The following GRK5 variants were observed in gnomAD, a reference collection of about 807,000 sequenced individuals.
GRK5 encodes the protein g protein-coupled receptor kinase GRK5.
GRK5 carries 40 observed loss-of-function variants against 78.4 expected under a neutral mutation model. The observed-to-expected ratio is 0.51, with a 90% CI of 0.40 to 0.66. The LOEUF (loss-of-function observed/expected upper bound fraction) is 0.66, where lower values mean the gene tolerates loss of function less well. GRK5 is among the 30% of genes least tolerant of loss of function. GRK5 has a pLI of 0.00. For missense variants in GRK5, 598 were observed against 759.9 expected, an observed-to-expected ratio of 0.79 and a Z score of 2.50; for synonymous variants, 289 against 296.8, an observed-to-expected ratio of 0.97 and a Z score of 0.27.
At chr10:119,323,520 CAGA>C (rs1850621788) in intron 1 of GRK5, among the ~76,000 whole-genome samples, 1 of 152,096 alleles carries the variant, frequency 6.6e-6, no homozygotes, top group East Asian at 1.9e-4. Flanking sequence ...TGGGCGTGCA[CAGA>C]AGAACCTCTA....
chr10:119,358,124 G>A (rs1223896589), intron 2 of GRK5, among the ~76,000 whole-genome samples: 3 of 152,188 alleles, frequency 2.0e-5, no homozygotes, highest in African/African-American at 7.2e-5. Context: ...AGTGGGGAGG[G>A]AGAAAGGGGC....
In GRK5 at chr10:119,336,309, C is replaced by T. The variant is rs1322205565; in HGVS notation, c.148+9698C>T. 1 of 152,246 alleles carries T rather than the reference C, an allele frequency of 6.6e-6. No homozygotes were observed. Among genetic ancestry groups the T allele is most frequent in the Admixed American group, 6.5e-5 (1 of 15,288 alleles). 9.4% of individuals were successfully genotyped at this position (152,246 alleles called of 1,614,324 possible). ...TGGAAGCATCACACTCTGCCCAGGC[C>T]CCTGCTCTGGCCCAGTGTGTTTCCT... On this transcript the variant is annotated intron_variant, in intron 2 of 15. Coordinates refer to ENST00000392870, the MANE Select transcript of GRK5 (RefSeq NM_005308.3). The surrounding 1 kb of genome is among the most constrained non-coding windows in gnomAD (Gnocchi z 4.5).
intron 1 of GRK5, among the ~76,000 whole-genome samples, chr10:119,276,786 A>G (rs562932109): frequency 1.9e-4 from 29 of 152,290 alleles, no homozygotes; most frequent in Non-Finnish European, 3.1e-4. Context: ...AAGAAGTTGG[A>G]ATTCAACTGT....
At chr10:119,339,710 T>C (rs934443368) in intron 2 of GRK5, among the ~76,000 whole-genome samples, 1 of 152,092 alleles carries the variant, frequency 6.6e-6, no homozygotes, top group African/African-American at 2.4e-5. Flanking sequence ...CTGGGCAACA[T>C]GGCGAAACCT....
chr10:119,414,706 A>C (rs1852412105), intron 4 of GRK5, among the ~76,000 whole-genome samples: 1 of 152,210 alleles, frequency 6.6e-6, no homozygotes, highest in Non-Finnish European at 1.5e-5. Context: ...TAAGAATAAT[A>C]AAACCTATCT....
At chr10:119,290,232 G>A (rs934474303) in intron 1 of GRK5, among the ~76,000 whole-genome samples, 7 of 151,456 alleles carry the variant, frequency 4.6e-5, no homozygotes, top group South Asian at 2.1e-4. Context: ...CTGTAGTCCC[G>A]GTGACTCGAG....
chr10:119,299,168 C>T (rs1289482907), intron 1 of GRK5, among the ~76,000 whole-genome samples: 1 of 152,176 alleles, frequency 6.6e-6, no homozygotes, highest in Non-Finnish European at 1.5e-5. Context: ...TTCGGCCAGG[C>T]GCAGTGGCTC....
chr10:119,227,785 T>C (rs1467054645), intron 1 of GRK5, among the ~76,000 whole-genome samples: 1 of 152,206 alleles, frequency 6.6e-6, no homozygotes, highest in Non-Finnish European at 1.5e-5. Flanking sequence ...ATTTAAAACA[T>C]TGATAAAGGC....
chr10:119,213,250 T>C (rs7092995), intron 1 of GRK5: 90,820 of 152,176 alleles, frequency 0.6, 27,855 homozygotes, highest in African/African-American at 0.74. Flanking sequence ...GTGGCTCATG[T>C]CTGTAATCCC....
rs371689171 is a variant in GRK5, at chr10:119,263,726, G to A, written c.52+55757G>A. The stretch of plus-strand genomic sequence containing the variant: ...ATCACGATGTCAGAAGATCGAGACC[G>A]TACTGGCTAACATGGTGAAACCCCA... On this transcript the variant is annotated intron_variant, in intron 1 of 15. Transcript: ENST00000392870. 4.6e-5 allele frequency among the ~76,000 whole-genome samples: 7 copies of A among 152,104 alleles called. No individual in the cohort carries two copies. The East Asian group carries it at 9.7e-4, about 21-fold the overall frequency.
At chr10:119,231,531 C>A (rs1158643345) in intron 1 of GRK5, among the ~76,000 whole-genome samples, 1 of 151,440 alleles carries the variant, frequency 6.6e-6, no homozygotes, top group Non-Finnish European at 1.5e-5. Context: ...CATGGTGAAA[C>A]CTTGTCTCTA....
At chr10:119,453,946 G>T (rs745808473) in intron 15 of GRK5, among the ~76,000 whole-genome samples, 5 of 151,918 alleles carry the variant, frequency 3.3e-5, no homozygotes, top group East Asian at 3.9e-4. Context: ...GCGGGGGAAG[G>T]GCCCCCACCT....
At chr10:119,393,090 G>A (rs555797196) in intron 3 of GRK5, among the ~76,000 whole-genome samples, 3 of 152,330 alleles carry the variant, frequency 2.0e-5, no homozygotes, top group South Asian at 4.1e-4. Context: ...TCTGTAGGTG[G>A]CCTCTCAGGA....
intron 2 of GRK5, among the ~76,000 whole-genome samples, chr10:119,366,217 G>A (rs185174915): frequency 6.6e-6 from 1 of 152,304 alleles, no homozygotes; most frequent in African/African-American, 2.4e-5. Flanking sequence ...AAGGAGCAAC[G>A]GATTTGTTTT....
chr10:119,423,038 C>T, intron 4 of GRK5, 128 bp from the exon 5 acceptor site: 1 of 705,834 alleles, frequency 1.4e-6, no homozygotes, highest in Admixed American at 1.9e-5. Context: ...CACACTGGGG[C>T]ACAGACGGGC....
intron 3 of GRK5, 82 bp downstream of exon 3, chr10:119,381,009 A>G (rs866243727): frequency 4.7e-6 from 4 of 859,760 alleles, no homozygotes; most frequent in Non-Finnish European, 5.9e-6. Context: ...AATAGATCTC[A>G]TGGGTTAGAA....
At position 119,445,170 on chromosome 10, in the gene GRK5, GAC is replaced by G. The variant is rs1853118833; in HGVS notation, c.1266+1419_1266+1420del. Among the ~76,000 whole-genome samples the G allele has an allele frequency of 6.6e-6, 1 of 152,220 alleles. No individual in the cohort carries two copies. Among genetic ancestry groups the G allele is most frequent in the Non-Finnish European group, 1.5e-5 (1 of 68,036 alleles). Reference sequence around the variant, plus strand: ...ATCGCAGCCAGGGCTAGGGTGGGGGGACCGGAGGAGCAGTGCAGCACTGGTCG... The same window carrying G: ...ATCGCAGCCAGGGCTAGGGTGGGGGGCGGAGGAGCAGTGCAGCACTGGTCG... On this transcript the variant is annotated intron_variant, in intron 12 of 15. Coordinates refer to ENST00000392870, the MANE Select transcript of GRK5 (RefSeq NM_005308.3). This position sits in a 1 kb window ranked among gnomAD's most constrained non-coding sequence, Gnocchi z 4.1.
intron 2 of GRK5, among the ~76,000 whole-genome samples, chr10:119,347,315 ATG>A (rs1851112662): frequency 6.6e-6 from 1 of 151,632 alleles, no homozygotes; most frequent in Non-Finnish European, 1.5e-5. Context: ...GCAAGTTTGT[ATG>A]TGTCCGTATA....
chr10:119,241,917 T>G (rs1181470213), intron 1 of GRK5, among the ~76,000 whole-genome samples: 2 of 152,108 alleles, frequency 1.3e-5, no homozygotes, highest in Non-Finnish European at 2.9e-5. Context: ...CATCTTAGGC[T>G]AAAAAAGAAA....
Sources: gnomAD v4.1 joint callset for allele counts (sites outside exome capture counted in the v4.1 genomes callset) on GRCh38, gnomAD v4.1.1 for gene constraint, Gnocchi (gnomAD v3.1) non-coding constraint, MANE v1.5 for transcripts, NCBI Gene and HGNC (gene_info 2026-07-23, HGNC 2026-07-21) for gene names.